BCAT2: variants seen among roughly 807,000 people sequenced by gnomAD.
BCAT2 encodes branched chain amino acid transaminase 2.
A neutral mutation model predicts 52.9 loss-of-function variants in BCAT2; 44 were observed. The observed-to-expected ratio is 0.83, with a 90% CI of 0.65 to 1.07. The LOEUF is 1.07. Among genes scored for constraint, BCAT2 ranks in the 50% least tolerant of loss-of-function variants. The probability of loss-of-function intolerance (pLI) is 0.00; values close to 1 mark genes in which losing one functional copy is unlikely to be tolerated. For missense variants in BCAT2, 478 were observed against 521.8 expected (o/e 0.92, Z 0.82); for synonymous variants, 215 against 217.1 (o/e 0.99, Z 0.08).
chr19:48,796,339 G>GCTTC, intron 10 of BCAT2, 89 bp downstream of exon 10: 2 of 1,494,230 alleles, frequency 1.3e-6, no homozygotes, highest in Non-Finnish European at 1.9e-6. Context: ...ACTACTGAAG[G>GCTTC]AGGCTGGCTG....
chr19:48,810,833 C>A, intron 1 of BCAT2, 151 bp downstream of exon 1: 1 of 1,489,642 alleles, frequency 6.7e-7, no homozygotes, highest in Non-Finnish European at 8.9e-7. Flanking sequence ...GTGCTCCTTT[C>A]CAAAGGGCGC....
rs769410573 is a variant in BCAT2, at chr19:48,795,256, G to T, written c.*170C>A. The T allele has an allele frequency of 5.1e-6, 4 of 786,436 alleles. No homozygotes were observed. The highest frequency in any genetic ancestry group is 8.3e-6 in the Non-Finnish European group (4 of 483,184). 48.7% of individuals were successfully genotyped at this position (786,436 alleles called of 1,614,324 possible). ...GGCTGGGGGCCAAGATGCCTGGGTC[G>T]GCCCTTACGGCTTTGGGAGTGTCGC... On this transcript the variant is annotated 3_prime_UTR_variant, in exon 11 of 11. Coordinates refer to ENST00000316273, the MANE Select transcript of BCAT2 (RefSeq NM_001190.4).
At chr19:48,798,791 A>ATTTTTTT (rs34719140) in intron 6 of BCAT2, 1 of 132,818 alleles carries the variant, frequency 7.5e-6, no homozygotes, top group Non-Finnish European at 1.6e-5. Context: ...AGCCCGGCTA[A>ATTTTTTT]TTTTTTTTTT....
intron 6 of BCAT2, 84 bp from the exon 7 acceptor site, chr19:48,797,417 C>T (rs1431951494): frequency 1.2e-5 from 18 of 1,498,454 alleles, no homozygotes; most frequent in Admixed American, 5.5e-5. Flanking sequence ...ATCCTACTCT[C>T]TCCCGTCTCC....
At chr19:48,806,761 C>A in intron 2 of BCAT2, 44 bp from the exon 3 acceptor site, 1 of 1,602,826 alleles carries the variant, frequency 6.2e-7, no homozygotes, top group South Asian at 1.1e-5. Context: ...CACAACCTCC[C>A]AGCTGAAAAA....
rs1568512045 is a variant in BCAT2, at chr19:48,808,277, AAC to A, written c.25-1205_25-1204del. On this transcript the variant is annotated intron_variant, in intron 1 of 10. Transcript: ENST00000316273. ...GGACACCCACAGTATGAGAGACACA[AAC>A]ACAGTGCGACAGCCAGCCTGTGGGC... 2.3e-5 allele frequency: 23 copies of A among 985,284 alleles called. No homozygotes were observed. In the South Asian group the frequency reaches 6.6e-4, roughly 28 times the overall value. The allele number at this position is 985,284 out of a possible 1,614,324, so 61.0% of individuals were successfully genotyped here. A position where few individuals can be genotyped will look rare whatever the true frequency, so the allele number is the denominator to read the frequency against.
chr19:48,806,506 C>A lies in BCAT2; in HGVS notation c.300+11G>T. The A allele has an allele frequency of 6.2e-7, 1 of 1,613,474 alleles. No individual in the cohort carries two copies. Among genetic ancestry groups the A allele is most frequent in the South Asian group, 1.1e-5 (1 of 91,042 alleles). ...GACAGGGACAGGGAGAGAGGCCGGC[C>A]GCCATGCCACCTGCAGGGAGTAGTG... is the stretch of plus-strand genomic sequence containing the variant. On this transcript the variant is annotated intron_variant, in intron 3 of 10. Coordinates refer to ENST00000316273, the MANE Select transcript of BCAT2 (RefSeq NM_001190.4).
rs757412438 is a variant in BCAT2, at chr19:48,796,663, A to T, written c.980T>A (p.Leu327Gln). ...TITMKQLLRA[L>Q]EEGRVREVFG... ...GACTTCCCGCACGCGGCCCTCCTCC[A>T]GGGCCCGCAGCAACTGCTTCATGGT... Residue 327 changes from leucine to glutamine, a missense_variant, in exon 9 of 11, where the codon CTG (leucine) becomes CAG (glutamine). Leu to Gln is a moderately radical substitution (Grantham distance 113). Coordinates refer to ENST00000316273, the MANE Select transcript of BCAT2 (RefSeq NM_001190.4). The T allele has an allele frequency of 4.3e-6, 7 of 1,613,410 alleles. No homozygotes were observed. Among genetic ancestry groups the T allele is most frequent in the Non-Finnish European group, 5.9e-6 (7 of 1,180,006 alleles).
In BCAT2 at chr19:48,799,947, C is replaced by A. The variant is rs757000896; in HGVS notation, c.531+34G>T. 1 of 1,610,308 alleles carries A rather than the reference C, an allele frequency of 6.2e-7. No homozygotes were observed. Among genetic ancestry groups the A allele is most frequent in the East Asian group, 2.2e-5 (1 of 44,758 alleles). On this transcript the variant is annotated intron_variant, in intron 5 of 10. Coordinates refer to ENST00000316273, the MANE Select transcript of BCAT2 (RefSeq NM_001190.4). This position sits in a 1 kb window ranked among gnomAD's most constrained non-coding sequence, Gnocchi z 5.5. ...CCTGCCCTGCAGAATCCAACCCCCG[C>A]AGCCCAGCTTCCCAGCCCTGGAGTT...
intron 10 of BCAT2, chr19:48,795,891 G>A (rs1170096234): frequency 3.8e-6 from 1 of 262,030 alleles, no homozygotes; most frequent in Non-Finnish European, 7.3e-6. Flanking sequence ...AAACAGTCTG[G>A]TGCCAGAGAG....
chr19:48,801,936 CT>C (rs755103793), intron 3 of BCAT2, among the ~76,000 whole-genome samples: 116 of 142,560 alleles, frequency 8.1e-4, no homozygotes, highest in African/African-American at 1.3e-3. Context: ...CACGACTGGA[CT>C]TTTTTTTTTT....
At chr19:48,798,625 CCTTT>C (rs35104437) in intron 6 of BCAT2, among the ~76,000 whole-genome samples, 21,290 of 151,200 alleles carry the variant, frequency 0.14, 1,962 homozygotes, top group Non-Finnish European at 0.21. Context: ...CTCTGCGAAA[CCTTT>C]CTTTTTTTTT....
chr19:48,800,151 C>A, intron 4 of BCAT2, 36 bp downstream of exon 4: 2 of 1,612,450 alleles, frequency 1.2e-6, no homozygotes, highest in Admixed American at 1.7e-5. Context: ...CCGGCCCCAG[C>A]CCTCCTCCCC....
intron 6 of BCAT2, chr19:48,798,770 G>A (rs1052976812): frequency 1.2e-4 from 18 of 149,188 alleles, no homozygotes; most frequent in South Asian, 6.4e-4. Context: ...GACTACAGGC[G>A]CCCGCCACCA....
chr19:48,800,190 CA>C lies in BCAT2; in HGVS notation c.407del (p.Leu136ArgfsTer71), dbSNP rs1568507650. 6.2e-7 allele frequency: 1 copy of C among 1,613,338 alleles called. No homozygotes were observed. The highest frequency in any genetic ancestry group is 2.2e-5 in the East Asian group (1 of 44,860). On this transcript the variant is annotated frameshift_variant, in exon 4 of 11. Transcript: ENST00000316273. LOFTEE classifies it high-confidence loss of function. ...RMLRSAMRLCLPSFDKLELLE... is the reference protein window; with the variant it reads ...RMLRSAMRLCXPSFDKLELLE... ...CCGGTGGACCGGGACCCCTCACCGG[CA>C]GGCACAGGCGCATGGCTGAGCGCAG...
chr19:48,798,648 G>C (rs1472048254), intron 6 of BCAT2, among the ~76,000 whole-genome samples: 1 of 150,576 alleles, frequency 6.6e-6, no homozygotes, highest in Admixed American at 6.6e-5. Flanking sequence ...TTTTTGAGAT[G>C]GAGTTTCGCT....
At chr19:48,797,062 C>A (rs1254776368) in intron 7 of BCAT2, 40 bp from the exon 8 acceptor site, 3 of 1,612,618 alleles carry the variant, frequency 1.9e-6, no homozygotes, top group African/African-American at 2.7e-5. Context: ...TACCTCTCAC[C>A]CCCTAGCACC....
chr19:48,807,960 T>C lies in BCAT2; in HGVS notation c.25-886A>G. On this transcript the variant is annotated intron_variant, in intron 1 of 10. Coordinates refer to ENST00000316273, the MANE Select transcript of BCAT2 (RefSeq NM_001190.4). This position sits in a 1 kb window ranked among gnomAD's most constrained non-coding sequence, Gnocchi z 4.6. ...GTGACCTTTGACCTCACAAGGCCTC[T>C]TTCCCCAGCCCTGTGGGGAGGCGTT... 2 of 985,868 alleles carry C rather than the reference T, an allele frequency of 2.0e-6. No homozygotes were observed. The highest frequency in any genetic ancestry group is 4.7e-5 in the South Asian group (1 of 21,290). 61.1% of individuals were successfully genotyped at this position (985,868 alleles called of 1,614,324 possible).
intron 6 of BCAT2, 163 bp from the exon 7 acceptor site, chr19:48,797,496 A>AG: frequency 5.0e-6 from 4 of 798,338 alleles, no homozygotes; most frequent in Non-Finnish European, 7.8e-6. Context: ...ATTTGGCATC[A>AG]GGACCCTAAA....
Sources: gnomAD v4.1 joint callset for allele counts (sites outside exome capture counted in the v4.1 genomes callset) on GRCh38, gnomAD v4.1.1 for gene constraint, Gnocchi (gnomAD v3.1) non-coding constraint, MANE v1.5 for transcripts, NCBI Gene and HGNC (gene_info 2026-07-23, HGNC 2026-07-21) for gene names.